ATP7B: variants seen among roughly 807,000 people sequenced by gnomAD.
The protein encoded by ATP7B is ATPase copper transporting beta.
Under a neutral mutation model 118.9 loss-of-function variants are expected in ATP7B, and 113 were observed. That is an observed-to-expected ratio of 0.95 (90% CI 0.82 to 1.11). The LOEUF is 1.11. Among genes scored for constraint, ATP7B ranks in the 50% most tolerant of loss-of-function variants. ATP7B has a pLI of 0.00. For synonymous variants in ATP7B, 777 were observed against 727.4 expected (o/e 1.07, Z -1.10); for missense variants, 1,867 against 1,871.4 (o/e 1.00, Z 0.04).
rs1352113797 is a variant in ATP7B at position 51,946,287 on chromosome 13, G to C, written c.3057C>G (p.His1019Gln). Residue 1019 changes from histidine (H) to glutamine (Q), a missense_variant, in exon 13 of 21, where the codon CAC (histidine) becomes CAG (glutamine). By Grantham distance (24) the His-to-Gln change is conservative (BLOSUM62 0). Transcript: ENST00000242839. ...GAAAGCCGTGCTACAGGCTGACCTT[G>C]TGCGCCATCTCCAGGGGCTTGCCTC... ...IKGGKPLEMAHKIKTVMFDKT... is the reference protein window; with the variant it reads ...IKGGKPLEMAQKIKTVMFDKT... 1.3e-6 allele frequency: 2 copies of C among 1,581,982 alleles called. No homozygotes were observed. Among genetic ancestry groups the C allele is most frequent in the South Asian group, 1.1e-5 (1 of 87,570 alleles).
In ATP7B at chr13:51,968,455, T is replaced by C; in HGVS notation, c.1696A>G (p.Ile566Val). Residue 566 changes from isoleucine (I) to valine (V), a missense_variant, in exon 4 of 21, where the codon ATT (isoleucine) becomes GTT (valine). Transcript: ENST00000242839. The stretch of plus-strand genomic sequence containing the variant: ...CCCACAGTACTTACTGTCAGCTCAA[T>C]GTTGCCATCGGAGCCTGCGTAGTCC... The part of the protein sequence containing the change: ...MEDYAGSDGN[I>V]ELTITGMTCA... 1 of 1,614,204 alleles carries C rather than the reference T, an allele frequency of 6.2e-7. No individual in the cohort carries two copies. The highest frequency in any genetic ancestry group is 1.1e-5 in the South Asian group (1 of 91,088).
At position 51,934,876 on chromosome 13, in the gene ATP7B, G is replaced by A. The variant is rs1386613610; in HGVS notation, c.4278C>T (p.Ser1426=). Reference sequence around the variant, plus strand: ...ACGTCAGGGAGGACAGCGACACCTGGCTGACATAGCTGACCTGGTCCCATG... The same window carrying A: ...ACGTCAGGGAGGACAGCGACACCTGACTGACATAGCTGACCTGGTCCCATG... The part of the protein sequence containing the change: ...ATPWDQVSYV[S]QVSLSSLTSD... Residue 1426 remains serine (S), a synonymous_variant, in exon 21 of 21, where the codon AGC becomes AGT. Transcript: ENST00000242839. The A allele has an allele frequency of 1.9e-6, 3 of 1,614,204 alleles. No homozygotes were observed. In the East Asian group the frequency reaches 6.7e-5, roughly 36 times the overall value.
At chr13:51,968,984 C>T (rs1951710516) in intron 3 of ATP7B, among the ~76,000 whole-genome samples, 1 of 151,366 alleles carries the variant, frequency 6.6e-6, no homozygotes, top group Non-Finnish European at 1.5e-5. Flanking sequence ...CCTCAGCCTC[C>T]TGAGTAGCTG....
chr13:51,968,609 T>G lies in ATP7B; in HGVS notation c.1544-2A>C, dbSNP rs1555294398. 6.2e-7 allele frequency: 1 copy of G among 1,614,094 alleles called. No homozygotes were observed. The highest frequency in any genetic ancestry group is 8.5e-7 in the Non-Finnish European group (1 of 1,180,024). ...AGGCAACCAACACGGAGAGAACACC[T>G]GGAACCATCAGGTCATGGCTGTAAC... On this transcript the variant is annotated splice_acceptor_variant, in intron 3 of 20. Coordinates refer to ENST00000242839, the MANE Select transcript of ATP7B (RefSeq NM_000053.4). LOFTEE classifies it high-confidence loss of function.
chr13:51,960,150 G>A lies in ATP7B; in HGVS notation c.2119C>T (p.Gln707Ter). 1 of 1,613,626 alleles carries A rather than the reference G, an allele frequency of 6.2e-7. No homozygotes were observed. Among genetic ancestry groups the A allele is most frequent in the African/African-American group, 1.3e-5 (1 of 75,034 alleles). ...LIFFILCTFV[Q>*]LLGGWYFYVQ... ...TCTGCCCACTTTCTCATATATACCTGGACAAAGGTACACAAGATAAAGAAG... is the reference window on the plus strand; with the variant it reads ...TCTGCCCACTTTCTCATATATACCTAGACAAAGGTACACAAGATAAAGAAG... The change falls in exon 7 of 21, where the codon CAG becomes TAG. Residue 707 changes from glutamine to a stop codon, truncating the protein, a stop_gained and splice_region_variant. Coordinates refer to ENST00000242839, the MANE Select transcript of ATP7B (RefSeq NM_000053.4). LOFTEE classifies it high-confidence loss of function.
At chr13:51,946,739 G>C (rs1445991761) in intron 12 of ATP7B, among the ~76,000 whole-genome samples, 1 of 152,134 alleles carries the variant, frequency 6.6e-6, no homozygotes, top group Non-Finnish European at 1.5e-5. Flanking sequence ...CCTTGATAGG[G>C]GAAAGCAGAC....
chr13:51,943,923 G>C (rs1363763251), intron 14 of ATP7B, among the ~76,000 whole-genome samples, 186 bp downstream of exon 14: 1 of 151,388 alleles, frequency 6.6e-6, no homozygotes, highest in Non-Finnish European at 1.5e-5. Flanking sequence ...CTCCCTTTGT[G>C]ATAACCTGGA....
At chr13:51,939,228 A>G (rs1254412878) in intron 16 of ATP7B, 35 bp from the exon 17 acceptor site, 1 of 1,609,994 alleles carries the variant, frequency 6.2e-7, no homozygotes, top group East Asian at 2.2e-5. Context: ...CAGCTACACA[A>G]GTTGGGGCAC....
intron 1 of ATP7B, among the ~76,000 whole-genome samples, chr13:51,997,525 T>C (rs1332608683): frequency 4.6e-5 from 7 of 152,220 alleles, no homozygotes; most frequent in African/African-American, 1.4e-4. Context: ...AGATGGTGGC[T>C]CAGACCCAGA....
chr13:51,944,317 GACC>G, intron 13 of ATP7B, 26 bp from the exon 14 acceptor site: 1 of 1,613,100 alleles, frequency 6.2e-7, no homozygotes, highest in Non-Finnish European at 8.5e-7. Context: ...ACAACTCACT[GACC>G]ACAATACAGA....
intron 1 of ATP7B, among the ~76,000 whole-genome samples, chr13:51,988,309 T>C (rs1365364715): frequency 6.6e-6 from 1 of 151,954 alleles, no homozygotes; most frequent in African/African-American, 2.4e-5. Flanking sequence ...GAAAAAAAGC[T>C]CATCATCACT....
chr13:51,948,963 T>C (rs954185696), intron 12 of ATP7B, among the ~76,000 whole-genome samples: 41 of 152,288 alleles, frequency 2.7e-4, no homozygotes, highest in Admixed American at 9.1e-4. Context: ...GCAGATCACC[T>C]GAGGTCAGGA....
intron 9 of ATP7B, among the ~76,000 whole-genome samples, chr13:51,951,080 C>A (rs1442458794): frequency 1.3e-5 from 2 of 151,952 alleles, no homozygotes; most frequent in African/African-American, 4.8e-5. Context: ...TCTTTGGCTG[C>A]TGCATGAGAA....
At position 52,003,241 on chromosome 13, in the gene ATP7B, T is replaced by C. The variant is rs74799171; in HGVS notation, c.51+8046A>G. ...AAGCTTAATCATTTCTAGCTTTTGATTTAAAGGGAGTGGACTCTTTCACTT... is the reference window on the plus strand; with the variant it reads ...AAGCTTAATCATTTCTAGCTTTTGACTTAAAGGGAGTGGACTCTTTCACTT... On this transcript the variant is annotated intron_variant, in intron 1 of 20. Coordinates refer to ENST00000242839, the MANE Select transcript of ATP7B (RefSeq NM_000053.4). 2.8e-3 allele frequency among the ~76,000 whole-genome samples: 425 copies of C among 152,302 alleles called. 3 individuals are homozygous for C. Among genetic ancestry groups the C allele is most frequent in the African/African-American group, 9.2e-3 (382 of 41,560 alleles).
Position 51,970,693 on chromosome 13 carries a change from T to A in ATP7B, c.1342A>T (p.Thr448Ser), listed in dbSNP as rs772975604. The A allele has an allele frequency of 6.2e-7, 1 of 1,614,108 alleles. No homozygotes were observed. The highest frequency in any genetic ancestry group is 2.2e-5 in the East Asian group (1 of 44,888). Residue 448 changes from threonine (T) to serine (S), a missense_variant, in exon 3 of 21, where the codon ACT becomes TCT. Physicochemically the swap from Thr to Ser is moderately conservative, Grantham distance 58. Coordinates refer to ENST00000242839, the MANE Select transcript of ATP7B (RefSeq NM_000053.4). The part of the protein sequence containing the change: ...NHSAGNSMVQ[T>S]TDGTPTSVQE... ...ACAGATGTAGGTGTACCATCTGTAG[T>A]TTGCACCATGGAATTCCCAGCACTG... is the stretch of plus-strand genomic sequence containing the variant.
At chr13:51,961,023 C>G (rs937324224) in intron 6 of ATP7B, among the ~76,000 whole-genome samples, 2 of 152,030 alleles carry the variant, frequency 1.3e-5, no homozygotes, top group African/African-American at 2.4e-5. Context: ...TGTTCAGATG[C>G]CTCTCCCGTA....
chr13:51,995,340 C>T (rs1339230818), intron 1 of ATP7B: 3 of 985,380 alleles, frequency 3.0e-6, no homozygotes, highest in Non-Finnish European at 3.6e-6. Context: ...TCCCAGGTTC[C>T]ATTCAAAACT....
intron 3 of ATP7B, among the ~76,000 whole-genome samples, chr13:51,970,003 A>C (rs1274401374): frequency 6.6e-6 from 1 of 152,242 alleles, no homozygotes; most frequent in African/African-American, 2.4e-5. Context: ...TTCAGGTTTA[A>C]AAGTATTGGA....
intron 1 of ATP7B, among the ~76,000 whole-genome samples, chr13:52,006,290 T>C (rs900894526): frequency 2.0e-5 from 3 of 152,102 alleles, no homozygotes; most frequent in African/African-American, 7.2e-5. Context: ...TCTCCATCCC[T>C]CCCATTGAGA....
Sources: gnomAD v4.1 joint callset for allele counts (sites outside exome capture counted in the v4.1 genomes callset) on GRCh38, gnomAD v4.1.1 for gene constraint, MANE v1.5 for transcripts, NCBI Gene and HGNC (gene_info 2026-07-23, HGNC 2026-07-21) for gene names.